Variants in ITGA4 observed in about 807,000 individuals in gnomAD.
ITGA4 encodes integrin subunit alpha 4, also known as integrin alpha-4.
ITGA4 carries 63 observed loss-of-function variants against 133.6 expected under a neutral mutation model. The observed-to-expected ratio is 0.47, with a 90% CI of 0.38 to 0.58. The LOEUF (loss-of-function observed/expected upper bound fraction) is 0.58, where lower values mean the gene tolerates loss of function less well. Among genes scored for constraint, ITGA4 ranks in the 20% least tolerant of loss-of-function variants. The probability of loss-of-function intolerance (pLI) is 0.00; values close to 1 mark genes in which losing one functional copy is unlikely to be tolerated. For missense variants in ITGA4, 1,076 were observed against 1,252.7 expected (o/e 0.86, Z 2.13); for synonymous variants, 483 against 438.0 (o/e 1.10, Z -1.28).
chr2:181,526,710 G>A (rs1157465045), intron 21 of ITGA4, among the ~76,000 whole-genome samples: 2 of 151,484 alleles, frequency 1.3e-5, no homozygotes, highest in African/African-American at 4.8e-5. Context: ...ATCACTTAAG[G>A]GCTGAAAGAG....
chr2:181,466,472 G>C (rs1685418413), intron 2 of ITGA4, among the ~76,000 whole-genome samples: 1 of 152,072 alleles, frequency 6.6e-6, no homozygotes, highest in Non-Finnish European at 1.5e-5. Context: ...TTCCAACTTT[G>C]ATGTTTTGCT....
chr2:181,534,728 A>T, intron 26 of ITGA4, 88 bp from the exon 27 acceptor site: 1 of 1,135,290 alleles, frequency 8.8e-7, no homozygotes, highest in Non-Finnish European at 1.3e-6. Context: ...ACTGGGGATT[A>T]TGGCAGGGCT....
chr2:181,482,230 CA>C, intron 7 of ITGA4, 129 bp from the exon 8 acceptor site: 1 of 936,674 alleles, frequency 1.1e-6, no homozygotes, highest in South Asian at 1.8e-5. Context: ...TCACTCTCAA[CA>C]GGATTTATTT....
intron 17 of ITGA4, among the ~76,000 whole-genome samples, chr2:181,515,348 C>T (rs747241213): frequency 5.3e-5 from 8 of 151,984 alleles, no homozygotes; most frequent in Non-Finnish European, 1.2e-4. Context: ...AGGCCAAGTG[C>T]CTAGTGCAAA....
chr2:181,519,959 C>G (rs893826413), intron 17 of ITGA4, among the ~76,000 whole-genome samples: 1 of 152,114 alleles, frequency 6.6e-6, no homozygotes, highest in African/African-American at 2.4e-5. Context: ...TACTTACCTG[C>G]TTATATTTTT....
rs1574387680 is a variant in ITGA4 at position 181,482,666 on chromosome 2, C to A, written c.1041+15C>A. On this transcript the variant is annotated intron_variant, in intron 9 of 27. Transcript: ENST00000397033. ...ACTCTGGCTCGGTATGTCCAAGTGC[C>A]CCAACTGGAAGCCATTTATGGAATT... The A allele has an allele frequency of 6.2e-7, 1 of 1,609,930 alleles. No homozygotes were observed. The highest frequency in any genetic ancestry group is 2.2e-5 in the East Asian group (1 of 44,820).
chr2:181,509,861 A>T (rs1574404314), intron 16 of ITGA4, 54 bp downstream of exon 16: 1 of 1,324,072 alleles, frequency 7.6e-7, no homozygotes, highest in South Asian at 1.3e-5. Flanking sequence ...CTAAATTTTT[A>T]AAATATGGCA....
At chr2:181,529,212 T>C (rs1686891216) in intron 22 of ITGA4, among the ~76,000 whole-genome samples, 1 of 151,514 alleles carries the variant, frequency 6.6e-6, no homozygotes. Context: ...CCAAATGATA[T>C]TTTTAAAATA....
chr2:181,481,552 G>A, intron 6 of ITGA4, 46 bp from the exon 7 acceptor site: 1 of 938,688 alleles, frequency 1.1e-6, no homozygotes, highest in South Asian at 1.5e-5. Flanking sequence ...ATTACCATAT[G>A]ATGTACTTTA....
At chr2:181,532,368 T>C (rs1303462662) in intron 25 of ITGA4, among the ~76,000 whole-genome samples, 1 of 152,198 alleles carries the variant, frequency 6.6e-6, no homozygotes, top group African/African-American at 2.4e-5. Flanking sequence ...TTCACGATAT[T>C]GATTCTTCCT....
intron 10 of ITGA4, among the ~76,000 whole-genome samples, chr2:181,490,661 G>T (rs1686033550): frequency 6.6e-6 from 1 of 151,948 alleles, no homozygotes; most frequent in African/African-American, 2.4e-5. Context: ...CAGGCTGCAG[G>T]GTTTAAATCC....
At chr2:181,525,728 T>C (rs767500) in intron 21 of ITGA4, among the ~76,000 whole-genome samples, 106,153 of 152,120 alleles carry the variant, frequency 0.7, 37,375 homozygotes, top group South Asian at 0.89. Flanking sequence ...TGGATTGAGA[T>C]GTGAGAGATC....
chr2:181,461,292 T>C (rs1275312733), intron 2 of ITGA4, among the ~76,000 whole-genome samples: 1 of 150,662 alleles, frequency 6.6e-6, no homozygotes, highest in Non-Finnish European at 1.5e-5. Context: ...GAGAGTTGCC[T>C]GGATAGTACC....
At chr2:181,503,495 C>T (rs1238880835) in intron 15 of ITGA4, among the ~76,000 whole-genome samples, 1 of 149,732 alleles carries the variant, frequency 6.7e-6, no homozygotes, top group Non-Finnish European at 1.5e-5. Context: ...AAAAGAGTAT[C>T]ACACAGGATT....
intron 15 of ITGA4, 42 bp downstream of exon 15, chr2:181,498,819 A>G: frequency 6.5e-7 from 1 of 1,547,988 alleles, no homozygotes; most frequent in Non-Finnish European, 8.7e-7. Flanking sequence ...GTGAACTTCA[A>G]CGTTGTTGAT....
chr2:181,531,101 C>T (rs1352628566), intron 24 of ITGA4, among the ~76,000 whole-genome samples: 1 of 150,730 alleles, frequency 6.6e-6, no homozygotes, highest in Non-Finnish European at 1.5e-5. Context: ...GGTGACAGAG[C>T]AAGACTCCAT....
chr2:181,500,981 C>T (rs12471434), intron 15 of ITGA4, among the ~76,000 whole-genome samples: 14,500 of 152,070 alleles, frequency 0.095, 958 homozygotes, highest in East Asian at 0.26. Context: ...AGGAGTGAAG[C>T]GGAGAATTTT....
intron 15 of ITGA4, among the ~76,000 whole-genome samples, chr2:181,499,768 G>A (rs758679577): frequency 2.0e-5 from 3 of 152,022 alleles, no homozygotes; most frequent in African/African-American, 7.2e-5. Context: ...GAATTAAAGA[G>A]GTTCTTTTTT....
At position 181,535,723 on chromosome 2, in the gene ITGA4, A is replaced by G. The variant is rs200961747; in HGVS notation, c.*196A>G. ...GAGATAGAAGAACTGCAAAGGTAAT[A>G]ATACAGCCAAAGATAATCTCTCAGC... On this transcript the variant is annotated 3_prime_UTR_variant, in exon 28 of 28. Transcript: ENST00000397033. 5.8e-6 allele frequency: 3 copies of G among 519,022 alleles called. No homozygotes were observed. The highest frequency in any genetic ancestry group is 9.5e-6 in the Non-Finnish European group (3 of 315,400). The allele number at this position is 519,022 out of a possible 1,614,324, so 32.2% of individuals were successfully genotyped here.
Sources: gnomAD v4.1 joint callset for allele counts (sites outside exome capture counted in the v4.1 genomes callset) on GRCh38, gnomAD v4.1.1 for gene constraint, MANE v1.5 for transcripts, NCBI Gene and HGNC (gene_info 2026-07-23, HGNC 2026-07-21) for gene names.